HHIPL1: variants seen among roughly 807,000 people sequenced by gnomAD.
HHIPL1 encodes HHIP like 1.
A neutral mutation model predicts 61.8 loss-of-function variants in HHIPL1; 43 were observed. The ratio of observed to expected loss-of-function variants is 0.70; its 90% CI spans 0.55 to 0.90. HHIPL1 has a LOEUF of 0.90. HHIPL1 is among the 40% of genes least tolerant of loss of function. The probability of loss-of-function intolerance (pLI) is 0.00; values close to 1 mark genes in which losing one functional copy is unlikely to be tolerated. For synonymous variants in HHIPL1, 482 were observed against 515.8 expected, an observed-to-expected ratio of 0.93 and a Z score of 0.89; for missense variants, 1,056 against 1,157.7, an observed-to-expected ratio of 0.91 and a Z score of 1.28.
the HHIPL1 span, chr14:99,625,240 C>T: frequency 2.6e-5 from 4 of 152,212 alleles, no homozygotes; most frequent in African/African-American, 9.6e-5. Flanking sequence ...GGAAACAATG[C>T]ACCTGAGCAA....
chr14:99,637,078 G>GAGAAAGAA, the HHIPL1 span, among the ~76,000 whole-genome samples: 10,478 of 98,942 alleles, frequency 0.11, 1,003 homozygotes, highest in East Asian at 0.28. Flanking sequence ...AAGAAAGAGA[G>GAGAAAGAA]AGAAAGAAAG....
chr14:99,623,322 A>G, the HHIPL1 span, among the ~76,000 whole-genome samples: 23 of 152,332 alleles, frequency 1.5e-4, no homozygotes, highest in African/African-American at 5.1e-4. Flanking sequence ...GTCCACGGAA[A>G]TCACTCTCCA....
chr14:99,634,840 GT>G, the HHIPL1 span, among the ~76,000 whole-genome samples: 2 of 152,154 alleles, frequency 1.3e-5, no homozygotes, highest in African/African-American at 2.4e-5. Flanking sequence ...GAGTGCTGTT[GT>G]TTTTCATTGG....
chr14:99,668,445 C>A lies in HHIPL1; in HGVS notation c.1730+142C>A. ...AAGAACCCTGAGGCCCAGAGAGGGA[C>A]GTGATTTGCCTCAGTTCCTCCGGCA... On this transcript the variant is annotated intron_variant, in intron 7 of 8. Transcript: ENST00000330710. This position sits in a 1 kb window ranked among gnomAD's most constrained non-coding sequence, Gnocchi z 4.7. The A allele has an allele frequency of 1.2e-5, 8 of 641,122 alleles. No individual in the cohort carries two copies. The highest frequency in any genetic ancestry group is 8.0e-4 in the Middle Eastern group (2 of 2,486). 39.7% of individuals were successfully genotyped at this position (641,122 alleles called of 1,614,324 possible).
chr14:99,646,142 T>C (rs1450457857), intron 1 of HHIPL1, among the ~76,000 whole-genome samples: 1 of 152,280 alleles, frequency 6.6e-6, no homozygotes, highest in Non-Finnish European at 1.5e-5. Context: ...GAGCCCCTGC[T>C]TCTGTGCACA....
chr14:99,639,570 C>T, the HHIPL1 span, among the ~76,000 whole-genome samples: 22 of 152,186 alleles, frequency 1.4e-4, no homozygotes, highest in Admixed American at 1.4e-3. Flanking sequence ...TGGTCTTGAA[C>T]TCCTGGGCTC....
chr14:99,629,795 G>A, the HHIPL1 span, among the ~76,000 whole-genome samples: 1 of 152,180 alleles, frequency 6.6e-6, no homozygotes, highest in Non-Finnish European at 1.5e-5. Context: ...AAGCCACCGC[G>A]CCCAGCCCTT....
the HHIPL1 span, among the ~76,000 whole-genome samples, chr14:99,612,032 A>G: frequency 6.6e-6 from 1 of 152,144 alleles, no homozygotes; most frequent in Non-Finnish European, 1.5e-5. Context: ...GTCTTTCTTG[A>G]GGCTCTGTAT....
chr14:99,647,099 C>T (rs975321881), intron 1 of HHIPL1, among the ~76,000 whole-genome samples: 2 of 152,004 alleles, frequency 1.3e-5, no homozygotes, highest in South Asian at 4.1e-4. Context: ...CACAGCCCAG[C>T]GGTGGTTGAG....
At chr14:99,661,708 TC>T (rs1239258058) in intron 5 of HHIPL1, among the ~76,000 whole-genome samples, 1 of 152,198 alleles carries the variant, frequency 6.6e-6, no homozygotes, top group Non-Finnish European at 1.5e-5. Flanking sequence ...CAAGCAATCC[TC>T]CTGCTTTGGC....
chr14:99,631,048 T>TCTTCTTTC, the HHIPL1 span, among the ~76,000 whole-genome samples: 62 of 120,506 alleles, frequency 5.1e-4, no homozygotes, highest in African/African-American at 1.7e-3. Flanking sequence ...AGTGGCTCCA[T>TCTTCTTTC]TTTCTTTCTT....
chr14:99,627,976 A>C, the HHIPL1 span, among the ~76,000 whole-genome samples: 1 of 151,936 alleles, frequency 6.6e-6, no homozygotes, highest in Non-Finnish European at 1.5e-5. The surrounding 1 kb of genome is among the most constrained non-coding windows in gnomAD (Gnocchi z 4.4). Context: ...AGGCAGTGGG[A>C]GGGGCGGCTG....
the HHIPL1 span, among the ~76,000 whole-genome samples, chr14:99,605,515 A>T: frequency 6.6e-6 from 1 of 152,100 alleles, no homozygotes; most frequent in Non-Finnish European, 1.5e-5. Flanking sequence ...TAAGCCGTTC[A>T]TTCAGCTGTG....
Position 99,668,749 on chromosome 14 carries a change from C to A in HHIPL1, c.1730+446C>A. ...TGTGTGTCCCCGCCCCGTGCCTGCC[C>A]TTCCTCCTGTGGTCCATCTTCCACT... On this transcript the variant is annotated intron_variant, in intron 7 of 8. Coordinates refer to ENST00000330710, the MANE Select transcript of HHIPL1 (RefSeq NM_001127258.3). The surrounding 1 kb of genome is among the most constrained non-coding windows in gnomAD (Gnocchi z 4.7). 6.5e-7 allele frequency: 1 copy of A among 1,540,102 alleles called. No homozygotes were observed. The highest frequency in any genetic ancestry group is 8.9e-7 in the Non-Finnish European group (1 of 1,126,990).
chr14:99,665,402 G>T (rs542666030), intron 6 of HHIPL1, among the ~76,000 whole-genome samples: 1 of 152,280 alleles, frequency 6.6e-6, no homozygotes, highest in South Asian at 2.1e-4. Flanking sequence ...TGGAATGGGG[G>T]TCTTATGACC....
intron 2 of HHIPL1, among the ~76,000 whole-genome samples, chr14:99,656,691 G>A (rs1026109286): frequency 6.6e-6 from 1 of 151,126 alleles, no homozygotes; most frequent in African/African-American, 2.4e-5. Context: ...CTGGAGAATC[G>A]CTTGAACTTG....
chr14:99,659,877 A>C (rs565813674), intron 4 of HHIPL1, 121 bp downstream of exon 4: 2 of 625,184 alleles, frequency 3.2e-6, no homozygotes, highest in South Asian at 2.5e-5. Flanking sequence ...CCTGACCCTG[A>C]GTCTGTCCTC....
the HHIPL1 span, among the ~76,000 whole-genome samples, chr14:99,616,842 TGCCCACAGGAAGGATCA>T: frequency 6.6e-6 from 1 of 152,200 alleles, no homozygotes; most frequent in South Asian, 2.1e-4. Flanking sequence ...CTGGATTTTA[TGCCCACAGGAAGGATCA>T]GCCTTGTAAA....
chr14:99,625,279 AAGGTGT>A, the HHIPL1 span: 5 of 152,234 alleles, frequency 3.3e-5, no homozygotes, highest in African/African-American at 1.2e-4. Flanking sequence ...GGAGGAAGCT[AAGGTGT>A]AGGGGGGTCA....
Sources: gnomAD v4.1 joint callset for allele counts (sites outside exome capture counted in the v4.1 genomes callset) on GRCh38, gnomAD v4.1.1 for gene constraint, Gnocchi (gnomAD v3.1) non-coding constraint, MANE v1.5 for transcripts, NCBI Gene and HGNC (gene_info 2026-07-23, HGNC 2026-07-21) for gene names.